NUP88: variants seen among roughly 807,000 people sequenced by gnomAD.
NUP88 encodes the protein nucleoporin 88, also known as nuclear pore complex protein Nup88.
Under a neutral mutation model 93.9 loss-of-function variants are expected in NUP88, and 57 were observed. That is an observed-to-expected ratio of 0.61 (90% confidence interval 0.49 to 0.76). The LOEUF is 0.76. Among genes scored for constraint, NUP88 ranks in the 30% least tolerant of loss-of-function variants. NUP88 has a pLI of 0.00. For synonymous variants in NUP88, 346 were observed against 336.8 expected, an observed-to-expected ratio of 1.03 and a Z score of -0.30; for missense variants, 911 against 901.0, an observed-to-expected ratio of 1.01 and a Z score of -0.14.
intron 7 of NUP88, among the ~76,000 whole-genome samples, chr17:5,402,254 C>A (rs1913216299): frequency 6.6e-6 from 1 of 151,978 alleles, no homozygotes; most frequent in African/African-American, 2.4e-5. Context: ...TTGAAGTGAG[C>A]CAAGATCGTG....
At chr17:5,401,597 A>G (rs1913171932) in intron 7 of NUP88, among the ~76,000 whole-genome samples, 1 of 152,242 alleles carries the variant, frequency 6.6e-6, no homozygotes, top group African/African-American at 2.4e-5. Context: ...TTGAGGTTCC[A>G]TAAAACATCT....
intron 3 of NUP88, among the ~76,000 whole-genome samples, chr17:5,411,456 C>T (rs181383666): frequency 2.0e-5 from 3 of 151,720 alleles, no homozygotes; most frequent in African/African-American, 7.2e-5. Flanking sequence ...CCCAGCTACT[C>T]GGGAGGCTGA....
intron 10 of NUP88, among the ~76,000 whole-genome samples, chr17:5,390,163 CAA>C (rs34058484): frequency 3.0e-4 from 27 of 89,082 alleles, no homozygotes; most frequent in African/African-American, 3.8e-4. Context: ...AACTCCGTCT[CAA>C]AAAAAAAAAA....
At position 5,391,637 on chromosome 17, in the gene NUP88, A is replaced by G; in HGVS notation, c.1408T>C (p.Trp470Arg). 6.2e-7 allele frequency: 1 copy of G among 1,613,998 alleles called. No homozygotes were observed. The highest frequency in any genetic ancestry group is 8.5e-7 in the Non-Finnish European group (1 of 1,179,844). The change falls in exon 10 of 17, where the codon TGG (tryptophan) becomes CGG (arginine). Residue 470 changes from tryptophan (W) to arginine (R), a missense_variant. Physicochemically the swap from Trp to Arg is moderately radical, Grantham distance 101. Coordinates refer to ENST00000573584, the MANE Select transcript of NUP88 (RefSeq NM_002532.6). ...CRQPAPIRGF[W>R]IVPDILGPTM... is the part of the protein sequence containing the mutation. ...GGTCCCAGAATGTCAGGTACAATCC[A>G]AAATCCTCGAATTGGAGCTGGCTGC... is the stretch of plus-strand genomic sequence containing the variant.
At chr17:5,410,045 G>A (rs1477368905) in intron 4 of NUP88, among the ~76,000 whole-genome samples, 1 of 152,192 alleles carries the variant, frequency 6.6e-6, no homozygotes, top group African/African-American at 2.4e-5. Flanking sequence ...TAAAGACTCT[G>A]GGAAATCAAT....
chr17:5,417,610 G>A (rs1374102520), intron 1 of NUP88, among the ~76,000 whole-genome samples: 1 of 152,176 alleles, frequency 6.6e-6, no homozygotes, highest in Non-Finnish European at 1.5e-5. Context: ...AGGCCAAGAC[G>A]GGTGGATCAC....
At chr17:5,386,617 G>C (rs1911999938) in intron 16 of NUP88, 91 bp downstream of exon 16, 1 of 876,830 alleles carries the variant, frequency 1.1e-6, no homozygotes, top group African/African-American at 1.7e-5. Context: ...CAAATACCAA[G>C]ATTCAGGTTT....
chr17:5,414,083 T>C lies in NUP88; in HGVS notation c.519A>G (p.Leu173=). ...RFFTSSTSLT[L]KHAAWYPSEI... ...CACTTGGATACCATGCAGCATGCTT[T>C]AGAGTCAGAGAGGTGGAACTGGTGA... The change falls in exon 3 of 17, where the codon CTA becomes CTG. Residue 173 remains leucine, a synonymous_variant. Transcript: ENST00000573584. 3 of 1,613,910 alleles carry C rather than the reference T, an allele frequency of 1.9e-6. No individual in the cohort carries two copies. The highest frequency in any genetic ancestry group is 2.5e-6 in the Non-Finnish European group (3 of 1,179,772).
chr17:5,387,934 C>T, intron 11 of NUP88, 30 bp from the exon 12 acceptor site: 1 of 1,589,722 alleles, frequency 6.3e-7, no homozygotes, highest in South Asian at 1.1e-5. Flanking sequence ...CCTTTATTTT[C>T]CTTAGCTGAG....
intron 9 of NUP88, 113 bp from the exon 10 acceptor site, chr17:5,391,775 A>T: frequency 1.3e-6 from 1 of 769,404 alleles, no homozygotes; most frequent in Non-Finnish European, 2.2e-6. Flanking sequence ...TGCTTGGGAC[A>T]TCCTATCAGT....
At position 5,419,426 on chromosome 17, in the gene NUP88, G is replaced by C. The variant is rs1467936088; in HGVS notation, c.225C>G (p.Asp75Glu). ...GGELFLWDGEDSSFLVVRLRG... is the reference protein window; with the variant it reads ...GGELFLWDGEESSFLVVRLRG... ...GAAGGCGAACGACTAAGAAGGAGCT[G>C]TCTTCTCCGTCCCACAGGAAAAGCT... The change falls in exon 1 of 17, where the codon GAC becomes GAG. Residue 75 changes from aspartate (D) to glutamate (E), a missense_variant. Asp to Glu is a conservative substitution (Grantham distance 45). Coordinates refer to ENST00000573584, the MANE Select transcript of NUP88 (RefSeq NM_002532.6). 6.2e-7 allele frequency: 1 copy of C among 1,613,660 alleles called. No homozygotes were observed. The highest frequency in any genetic ancestry group is 8.5e-7 in the Non-Finnish European group (1 of 1,179,836).
intron 9 of NUP88, among the ~76,000 whole-genome samples, chr17:5,393,297 A>G (rs189318171): frequency 1.3e-4 from 19 of 149,468 alleles, no homozygotes; most frequent in Admixed American, 8.0e-4. Context: ...GGGTCTCACT[A>G]TGTTGCCCAG....
chr17:5,405,824 T>C (rs1597325915), intron 5 of NUP88, among the ~76,000 whole-genome samples: 1 of 152,212 alleles, frequency 6.6e-6, no homozygotes, highest in East Asian at 1.9e-4. Context: ...TTAAACACAA[T>C]TTTCTAACGT....
intron 9 of NUP88, 86 bp from the exon 10 acceptor site, chr17:5,391,748 CA>C: frequency 9.2e-7 from 1 of 1,084,334 alleles, no homozygotes; most frequent in South Asian, 1.3e-5. Flanking sequence ...GCGGCCTTCT[CA>C]GGCCTGGGCT....
rs1911888163 is a variant in NUP88 at position 5,385,576 on chromosome 17, G to C, written c.*630C>G. ...CTAACCTATTTTTTTCTCCCTTTAA[G>C]GTGCTAAACTTGCACCTCATGTCCA... On this transcript the variant is annotated 3_prime_UTR_variant, in exon 17 of 17. Transcript: ENST00000573584. The C allele has an allele frequency of 4.3e-6, 1 of 230,800 alleles. No homozygotes were observed. Among genetic ancestry groups the C allele is most frequent in the Admixed American group, 5.7e-5 (1 of 17,666 alleles). The allele number at this position is 230,800 out of a possible 1,614,324, so 14.3% of individuals were successfully genotyped here.
chr17:5,400,609 C>G (rs2151640506), intron 7 of NUP88, among the ~76,000 whole-genome samples: 1 of 151,988 alleles, frequency 6.6e-6, no homozygotes, highest in East Asian at 1.9e-4. Context: ...ATGCTTTTCT[C>G]TGTGCATTTA....
chr17:5,419,638 C>A lies in NUP88; in HGVS notation c.13G>T (p.Glu5Ter). MAAA[E>*]GPVGDGELWQ... ...AGCTCGCCGTCGCCCACCGGTCCCT[C>A]GGCGGCCGCCATCTTGGCCCAACTG... The change falls in exon 1 of 17, where the codon GAG becomes TAG. Residue 5 changes from glutamate (E) to a stop codon, truncating the protein, a stop_gained. Coordinates refer to ENST00000573584, the MANE Select transcript of NUP88 (RefSeq NM_002532.6). LOFTEE classifies it high-confidence loss of function. The A allele has an allele frequency of 6.3e-7, 1 of 1,589,788 alleles. No individual in the cohort carries two copies. The highest frequency in any genetic ancestry group is 8.6e-7 in the Non-Finnish European group (1 of 1,167,632).
At chr17:5,415,632 C>G (rs1325359277) in intron 2 of NUP88, among the ~76,000 whole-genome samples, 1 of 152,128 alleles carries the variant, frequency 6.6e-6, no homozygotes, top group Admixed American at 6.5e-5. Flanking sequence ...AACTGAGGAG[C>G]TCCTTACGAC....
At chr17:5,395,026 T>A in intron 8 of NUP88, 45 bp from the exon 9 acceptor site, 4 of 1,185,990 alleles carry the variant, frequency 3.4e-6, no homozygotes, top group Non-Finnish European at 5.0e-6. Context: ...CTTAGACAAG[T>A]CTCCAAATTA....
Sources: allele counts gnomAD v4.1 joint callset (sites outside exome capture counted in the v4.1 genomes callset), GRCh38; gene constraint gnomAD v4.1.1; transcripts MANE v1.5; gene names NCBI Gene and HGNC (gene_info 2026-07-23, HGNC 2026-07-21).